Variants in PAPPA observed in about 807,000 individuals in gnomAD.
The protein encoded by PAPPA is pappalysin-1.
A neutral mutation model predicts 164.0 loss-of-function variants in PAPPA; 60 were observed. The observed-to-expected ratio is 0.37, with a 90% confidence interval of 0.30 to 0.45. PAPPA has a LOEUF of 0.45. Among genes scored for constraint, PAPPA ranks in the 20% least tolerant of loss-of-function variants. The probability of loss-of-function intolerance (pLI) is 1.00; values close to 1 mark genes in which losing one functional copy is unlikely to be tolerated. For synonymous variants in PAPPA, 875 were observed against 814.1 expected, an observed-to-expected ratio of 1.07 and a Z score of -1.27; for missense variants, 1,782 against 2,087.3, an observed-to-expected ratio of 0.85 and a Z score of 2.85.
At chr9:116,387,479 T>G (rs573351574) in intron 21 of PAPPA, among the ~76,000 whole-genome samples, 5 of 152,266 alleles carry the variant, frequency 3.3e-5, no homozygotes, top group African/African-American at 9.6e-5. Context: ...GCTCAAATGA[T>G]CTTTCCACCT....
At chr9:116,369,300 T>C (rs1420333732) in intron 19 of PAPPA, among the ~76,000 whole-genome samples, 1 of 152,034 alleles carries the variant, frequency 6.6e-6, no homozygotes, top group East Asian at 1.9e-4. Flanking sequence ...CCTGATATGC[T>C]CATATACCCA....
At chr9:116,343,679 G>A (rs982883212) in intron 13 of PAPPA, among the ~76,000 whole-genome samples, 2 of 152,116 alleles carry the variant, frequency 1.3e-5, no homozygotes, top group Admixed American at 6.5e-5. Flanking sequence ...TCAGAGATGT[G>A]ATGTACTTTG....
chr9:116,253,459 AT>A (rs1266947086), intron 7 of PAPPA, among the ~76,000 whole-genome samples: 1 of 152,070 alleles, frequency 6.6e-6, no homozygotes, highest in African/African-American at 2.4e-5. Flanking sequence ...AACAGTAGCC[AT>A]TTTTTTCTGA....
At chr9:116,256,778 T>C (rs1485620637) in intron 7 of PAPPA, among the ~76,000 whole-genome samples, 1 of 151,926 alleles carries the variant, frequency 6.6e-6, no homozygotes, top group Non-Finnish European at 1.5e-5. Context: ...TTCTCAATAA[T>C]TTATAGATCA....
intron 3 of PAPPA, among the ~76,000 whole-genome samples, chr9:116,208,854 A>G (rs1235929364): frequency 6.6e-6 from 1 of 151,958 alleles, no homozygotes; most frequent in East Asian, 1.9e-4. Flanking sequence ...GTGTGTGTGC[A>G]TGTGTGTGGT....
At chr9:116,177,308 C>T (rs1280497912) in intron 1 of PAPPA, among the ~76,000 whole-genome samples, 5 of 152,196 alleles carry the variant, frequency 3.3e-5, no homozygotes, top group Admixed American at 3.3e-4. Context: ...CTCTTCACTA[C>T]CAGACTGTCC....
chr9:116,235,142 A>G lies in PAPPA; in HGVS notation c.2237A>G (p.His746Arg), dbSNP rs1055509461. 2 of 1,614,120 alleles carry G rather than the reference A, an allele frequency of 1.2e-6. No homozygotes were observed. The highest frequency in any genetic ancestry group is 8.5e-7 in the Non-Finnish European group (1 of 1,180,006). The stretch of plus-strand genomic sequence containing the variant: ...TTCCCTCATCTCTTCTGCATAGGTC[A>G]TCCTGATGTTGAACAGCCCTGTAAG... ...GHWSPREAEG[H>R]PDVEQPCKSS... is the part of the protein sequence containing the mutation. The change falls in exon 7 of 22, where the codon CAT becomes CGT. Residue 746 changes from histidine to arginine, a missense_variant. By Grantham distance (29) the His-to-Arg change is conservative. Coordinates refer to ENST00000328252, the MANE Select transcript of PAPPA (RefSeq NM_002581.5).
intron 7 of PAPPA, 149 bp downstream of exon 7, chr9:116,235,786 C>T: frequency 1.3e-6 from 1 of 782,318 alleles, no homozygotes; most frequent in Non-Finnish European, 2.1e-6. Context: ...GTAGATTTGT[C>T]TTAACATGGC....
chr9:116,367,712 C>G lies in PAPPA; in HGVS notation c.4563C>G (p.Thr1521=). 6.2e-7 allele frequency: 1 copy of G among 1,613,962 alleles called. No individual in the cohort carries two copies. Among genetic ancestry groups the G allele is most frequent in the Non-Finnish European group, 8.5e-7 (1 of 1,179,924 alleles). Residue 1521 remains threonine, a synonymous_variant, in exon 19 of 22, where the codon ACC becomes ACG. Transcript: ENST00000328252. Reference sequence around the variant, plus strand: ...CCATCATCCTGCCAATGAACGTGACCGTGCGTGACATCCCCCACTGGCTGA... The same window carrying G: ...CCATCATCCTGCCAATGAACGTGACGGTGCGTGACATCCCCCACTGGCTGA... The part of the protein sequence containing the change: ...SESIILPMNV[T]VRDIPHWLNP...
At chr9:116,242,475 C>T (rs1844747944) in intron 7 of PAPPA, among the ~76,000 whole-genome samples, 1 of 152,240 alleles carries the variant, frequency 6.6e-6, no homozygotes, top group African/African-American at 2.4e-5. Context: ...TTTGGGATAT[C>T]TATCTACTTC....
intron 17 of PAPPA, among the ~76,000 whole-genome samples, chr9:116,359,378 A>C (rs1473767760): frequency 6.6e-6 from 1 of 152,234 alleles, no homozygotes; most frequent in Non-Finnish European, 1.5e-5. Context: ...TTGTAAAAAC[A>C]GATGCACAGG....
chr9:116,281,823 G>C (rs1193938102), intron 9 of PAPPA, among the ~76,000 whole-genome samples: 1 of 152,140 alleles, frequency 6.6e-6, no homozygotes, highest in Non-Finnish European at 1.5e-5. Context: ...TCTTATGCCA[G>C]GCCAACTGCC....
Position 116,344,556 on chromosome 9 carries a change from G to C in PAPPA, c.3625G>C (p.Ala1209Pro). 6.2e-7 allele frequency: 1 copy of C among 1,613,226 alleles called. No homozygotes were observed. Among genetic ancestry groups the C allele is most frequent in the Non-Finnish European group, 8.5e-7 (1 of 1,179,332 alleles). The change falls in exon 14 of 22, where the codon GCA becomes CCA. Residue 1209 changes from alanine (A) to proline (P), a missense_variant. Physicochemically the swap from Ala to Pro is conservative, Grantham distance 27. Coordinates refer to ENST00000328252, the MANE Select transcript of PAPPA (RefSeq NM_002581.5). The stretch of plus-strand genomic sequence containing the variant: ...TTTCCTCCCCAGCTGCGTGCACTTC[G>C]CATGTGAGAAAACTGACTGTCCAGA... ...SPAEQSCVHF[A>P]CEKTDCPELA...
rs747710325 is a variant in PAPPA, at chr9:116,329,801, G to A, written c.3148-1443G>A. ...TTGGCTAGAGACCATACTGAGCCAA[G>A]TGTTAAACTATTTTTATATCATCCT... On this transcript the variant is annotated intron_variant, in intron 10 of 21. Transcript: ENST00000328252. 8.7e-4 allele frequency among the ~76,000 whole-genome samples: 133 copies of A among 152,260 alleles called. 1 individual carries two copies. The highest frequency in any genetic ancestry group is 4.6e-4 in the Non-Finnish European group (31 of 68,026).
chr9:116,295,629 TAAC>T (rs1472349060), intron 9 of PAPPA, among the ~76,000 whole-genome samples: 3 of 152,140 alleles, frequency 2.0e-5, no homozygotes, highest in African/African-American at 7.2e-5. Flanking sequence ...TCGATTTATT[TAAC>T]ATAGTATTGC....
chr9:116,288,615 G>A (rs1448207381), intron 9 of PAPPA: 3 of 151,958 alleles, frequency 2.0e-5, no homozygotes, highest in African/African-American at 7.3e-5. Flanking sequence ...AGTTATTATA[G>A]TATTTTTATT....
chr9:116,214,193 C>T (rs551484977), intron 4 of PAPPA, among the ~76,000 whole-genome samples: 9 of 152,298 alleles, frequency 5.9e-5, no homozygotes, highest in African/African-American at 1.9e-4. Context: ...GACTAATGAC[C>T]TGAATTATCA....
In PAPPA at chr9:116,280,918, G is replaced by A. The variant is rs567079352; in HGVS notation, c.2953+9502G>A. Among the ~76,000 whole-genome samples the A allele has an allele frequency of 1.2e-4, 18 of 152,358 alleles. No individual in the cohort carries two copies. The South Asian group carries it at 2.9e-3, about 25-fold the overall frequency. ...GTCCTTTACTGAAAAGTTGTTGACT[G>A]CTGGCAGAGGTGGATGAGTACACAG... On this transcript the variant is annotated intron_variant, in intron 9 of 21. Transcript: ENST00000328252.
At chr9:116,278,086 CA>C (rs1212073086) in intron 9 of PAPPA, among the ~76,000 whole-genome samples, 1 of 152,252 alleles carries the variant, frequency 6.6e-6, no homozygotes, top group African/African-American at 2.4e-5. Context: ...AACTTGCCTA[CA>C]GTTACACAGA....
Sources: gnomAD v4.1 joint callset for allele counts (sites outside exome capture counted in the v4.1 genomes callset) on GRCh38, gnomAD v4.1.1 for gene constraint, MANE v1.5 for transcripts, NCBI Gene and HGNC (gene_info 2026-07-23, HGNC 2026-07-21) for gene names.